ACOX3: variants seen among roughly 807,000 people sequenced by gnomAD.
The protein encoded by ACOX3 is peroxisomal acyl-coenzyme A oxidase 3.
A neutral mutation model predicts 81.5 loss-of-function variants in ACOX3; 73 were observed. That is an observed-to-expected ratio of 0.90 (90% confidence interval 0.74 to 1.09). The LOEUF is 1.09. ACOX3 is among the 50% of genes least tolerant of loss of function. The probability of loss-of-function intolerance (pLI) is 0.00; values close to 1 mark genes in which losing one functional copy is unlikely to be tolerated. For synonymous variants in ACOX3, 387 were observed against 375.1 expected (o/e 1.03, Z -0.37); for missense variants, 947 against 928.0 (o/e 1.02, Z -0.27).
At chr4:8,429,426 T>G (rs907204315) in intron 1 of ACOX3, among the ~76,000 whole-genome samples, 1 of 152,240 alleles carries the variant, frequency 6.6e-6, no homozygotes. Context: ...CAGTTCCAGG[T>G]GCAGGGGCTT....
At chr4:8,373,476 G>GCTCA in intron 16 of ACOX3, 85 bp downstream of exon 16, 3 of 1,427,644 alleles carry the variant, frequency 2.1e-6, no homozygotes, top group Non-Finnish European at 2.9e-6. Flanking sequence ...GTGCGTGTCG[G>GCTCA]TCTGGGTGAT....
chr4:8,408,923 G>GGGGCGT (rs1721370744), intron 6 of ACOX3, among the ~76,000 whole-genome samples: 2 of 128,914 alleles, frequency 1.6e-5, no homozygotes, highest in Admixed American at 7.7e-5. Flanking sequence ...GGTGGGGGCG[G>GGGGCGT]TCTGAGGCTC....
chr4:8,380,747 C>T (rs912716175), intron 14 of ACOX3, among the ~76,000 whole-genome samples: 3 of 152,218 alleles, frequency 2.0e-5, no homozygotes, highest in Non-Finnish European at 2.9e-5. Context: ...CAGCTCTCTC[C>T]GTATCCACGG....
chr4:8,440,544 G>C, intron 1 of ACOX3, 104 bp downstream of exon 1: 2 of 412,160 alleles, frequency 4.9e-6, no homozygotes, highest in Non-Finnish European at 8.6e-6. Context: ...CAGTACTGAG[G>C]ACAATGCGTT....
chr4:8,389,345 C>G lies in ACOX3; in HGVS notation c.1424-59G>C. 6.6e-7 allele frequency: 1 copy of G among 1,523,400 alleles called. No individual in the cohort carries two copies. Among genetic ancestry groups the G allele is most frequent in the Non-Finnish European group, 9.0e-7 (1 of 1,114,712 alleles). The allele number at this position is 1,523,400 out of a possible 1,614,324, so 94.4% of individuals were successfully genotyped here. ...ACAGGAACCCAAACCATTGGGAACCCCAAGCTGGGGGCACCCCAAAGCACA... is the reference window on the plus strand; with the variant it reads ...ACAGGAACCCAAACCATTGGGAACCGCAAGCTGGGGGCACCCCAAAGCACA... On this transcript the variant is annotated intron_variant, in intron 12 of 17. Transcript: ENST00000356406. This position sits in a 1 kb window ranked among gnomAD's most constrained non-coding sequence, Gnocchi z 5.3.
intron 5 of ACOX3, 111 bp from the exon 6 acceptor site, chr4:8,410,466 A>G (rs1721595354): frequency 7.0e-7 from 1 of 1,421,926 alleles, no homozygotes; most frequent in Non-Finnish European, 9.6e-7. Flanking sequence ...CTCTGAGGCA[A>G]GAGTTGAAAC....
chr4:8,396,039 G>A (rs1222881093), intron 9 of ACOX3, among the ~76,000 whole-genome samples: 1 of 152,218 alleles, frequency 6.6e-6, no homozygotes, highest in African/African-American at 2.4e-5. Flanking sequence ...CACAGGGCAC[G>A]TTCGCTGTGA....
chr4:8,369,427 A>C (rs1715873213), intron 17 of ACOX3, among the ~76,000 whole-genome samples: 2 of 152,152 alleles, frequency 1.3e-5, no homozygotes, highest in African/African-American at 4.8e-5. Flanking sequence ...CTGGCTGGGA[A>C]ACCCACTGGG....
chr4:8,433,460 C>T (rs1159282255), intron 1 of ACOX3, among the ~76,000 whole-genome samples: 1 of 152,196 alleles, frequency 6.6e-6, no homozygotes, highest in African/African-American at 2.4e-5. Context: ...ATTCTCAGAG[C>T]CTTTAGAACT....
At chr4:8,440,193 A>C (rs1362614867) in intron 1 of ACOX3, among the ~76,000 whole-genome samples, 1 of 152,208 alleles carries the variant, frequency 6.6e-6, no homozygotes, top group Non-Finnish European at 1.5e-5. Context: ...GTAAGCCTTT[A>C]AACAGGCCAA....
At chr4:8,403,343 G>A (rs949250374) in intron 7 of ACOX3, among the ~76,000 whole-genome samples, 2 of 152,284 alleles carry the variant, frequency 1.3e-5, no homozygotes, top group South Asian at 2.1e-4. Flanking sequence ...GTATCACTGC[G>A]CCCCCTGCTG....
At position 8,394,628 on chromosome 4, in the gene ACOX3, C is replaced by G; in HGVS notation, c.1171G>C (p.Ala391Pro). The G allele has an allele frequency of 6.2e-7, 1 of 1,613,546 alleles. No homozygotes were observed. The highest frequency in any genetic ancestry group is 8.5e-7 in the Non-Finnish European group (1 of 1,179,914). ...AGCAGACACCACCTCACCTGTCTGG[C>G]GCTGCGGTCTCCCGATGCAAGTCCT... ...QRGLASGDRS[A>P]RQAELGREIH... The change falls in exon 10 of 18, where the codon GCC (alanine) becomes CCC (proline). Residue 391 changes from alanine to proline, a missense_variant. Physicochemically the swap from Ala to Pro is conservative, Grantham distance 27. Transcript: ENST00000356406. This position sits in a 1 kb window ranked among gnomAD's most constrained non-coding sequence, Gnocchi z 5.9.
At position 8,394,075 on chromosome 4, in the gene ACOX3, G is replaced by T. The variant is rs565308296; in HGVS notation, c.1179+545C>A. Among the ~76,000 whole-genome samples, 1 of 152,300 alleles carries T rather than the reference G, an allele frequency of 6.6e-6. No homozygotes were observed. The highest frequency in any genetic ancestry group is 1.9e-4 in the East Asian group (1 of 5,186). On this transcript the variant is annotated intron_variant, in intron 10 of 17. Coordinates refer to ENST00000356406, the MANE Select transcript of ACOX3 (RefSeq NM_003501.3). The surrounding 1 kb of genome is among the most constrained non-coding windows in gnomAD (Gnocchi z 5.9). Reference sequence around the variant, plus strand: ...CGTTTCTCCTCTGCTTTCAAACACGGTTATTTCTTTTGATTCACATTTCAC... The same window carrying T: ...CGTTTCTCCTCTGCTTTCAAACACGTTTATTTCTTTTGATTCACATTTCAC...
intron 1 of ACOX3, among the ~76,000 whole-genome samples, chr4:8,417,172 G>C (rs1722429539): frequency 6.6e-6 from 1 of 152,258 alleles, no homozygotes; most frequent in Non-Finnish European, 1.5e-5. Flanking sequence ...GATAGACTGG[G>C]TCCTTTTCCA....
intron 6 of ACOX3, among the ~76,000 whole-genome samples, chr4:8,408,096 G>C (rs1721212718): frequency 6.6e-6 from 1 of 152,120 alleles, no homozygotes; most frequent in Non-Finnish European, 1.5e-5. Flanking sequence ...CTATGTGCAT[G>C]ACCTGCTAGC....
At chr4:8,440,618 A>G in intron 1 of ACOX3, 30 bp downstream of exon 1, 1 of 561,898 alleles carries the variant, frequency 1.8e-6, no homozygotes, top group Non-Finnish European at 2.9e-6. Flanking sequence ...TTCTCTCAAA[A>G]GGGAATAAAA....
intron 8 of ACOX3, among the ~76,000 whole-genome samples, chr4:8,398,601 C>T (rs1719983917): frequency 6.6e-6 from 1 of 152,168 alleles, no homozygotes; most frequent in African/African-American, 2.4e-5. Context: ...CCACCTCCCA[C>T]CAAGTAACGG....
chr4:8,389,232 G>C lies in ACOX3; in HGVS notation c.1478C>G (p.Pro493Arg). Residue 493 changes from proline (P) to arginine (R), a missense_variant, in exon 13 of 18, where the codon CCC becomes CGC. Transcript: ENST00000356406. This position sits in a 1 kb window ranked among gnomAD's most constrained non-coding sequence, Gnocchi z 5.3. ...CTCAAACTTCTGGTCAAGGATGCCGGGATAGGCGTCCAGAAAGTCCACTGA... is the reference window on the plus strand; with the variant it reads ...CTCAAACTTCTGGTCAAGGATGCCGCGATAGGCGTCCAGAAAGTCCACTGA... ...LKSVDFLDAYPGILDQKFEVS... is the reference protein window; with the variant it reads ...LKSVDFLDAYRGILDQKFEVS... The C allele has an allele frequency of 6.2e-7, 1 of 1,613,880 alleles. No individual in the cohort carries two copies.
At chr4:8,357,509 C>A in the ACOX3 span, 1 of 313,814 alleles carries the variant, frequency 3.2e-6, no homozygotes, top group Middle Eastern at 1.1e-3. Context: ...CAAAATAGTA[C>A]CTAATAATCA....
Sources: gnomAD v4.1 joint callset for allele counts (sites outside exome capture counted in the v4.1 genomes callset) on GRCh38, gnomAD v4.1.1 for gene constraint, Gnocchi (gnomAD v3.1) non-coding constraint, MANE v1.5 for transcripts, NCBI Gene and HGNC (gene_info 2026-07-23, HGNC 2026-07-21) for gene names.